The following GPR82 variants were observed in gnomAD, a reference collection of about 807,000 sequenced individuals.
GPR82 encodes probable G protein-coupled receptor 82.
Under a neutral mutation model 12.9 loss-of-function variants are expected in GPR82, and 6 were observed. The observed-to-expected ratio is 0.46, with a 90% CI of 0.25 to 0.92. GPR82 has a LOEUF of 0.92. Among genes scored for constraint, GPR82 ranks in the 40% least tolerant of loss-of-function variants. The pLI is 0.16. For synonymous variants in GPR82, 90 were observed against 87.6 expected, an observed-to-expected ratio of 1.03 and a Z score of -0.15; for missense variants, 241 against 245.5, an observed-to-expected ratio of 0.98 and a Z score of 0.12.
At position 41,730,037 on chromosome X, in the gene GPR82, A is replaced by G. The variant is rs1425974695; in HGVS notation, c.*2000A>G. 2 of 119,858 alleles carry G rather than the reference A, an allele frequency of 1.7e-5. No homozygotes were observed. The highest frequency in any genetic ancestry group is 6.7e-5 in the African/African-American group (2 of 29,902). The allele number at this position is 119,858 out of a possible 1,213,427, so 9.9% of individuals were successfully genotyped here. ...GAGATCATAAGCACTTTGGAGCTATAAACTTCTTGTCTATTTCTACTTCCA... is the reference window on the plus strand; with the variant it reads ...GAGATCATAAGCACTTTGGAGCTATGAACTTCTTGTCTATTTCTACTTCCA... On this transcript the variant is annotated 3_prime_UTR_variant, in exon 3 of 3. Transcript: ENST00000302548.
rs867249652 is a variant in GPR82, at chrX:41,729,434, G to A, written c.*1397G>A. ...CTAATTTACTGATGAAAATATTGAA[G>A]TGGGCTGGGTGCGGTGGCTCATGCC... On this transcript the variant is annotated 3_prime_UTR_variant, in exon 3 of 3. Coordinates refer to ENST00000302548, the MANE Select transcript of GPR82 (RefSeq NM_080817.5). 2 of 121,557 alleles carry A rather than the reference G, an allele frequency of 1.6e-5. No homozygotes were observed. Among genetic ancestry groups the A allele is most frequent in the Non-Finnish European group, 3.8e-5 (2 of 52,881 alleles). 10.0% of individuals were successfully genotyped at this position (121,557 alleles called of 1,213,427 possible).
intron 1 of GPR82, among the ~76,000 whole-genome samples, chrX:41,726,433 A>T (rs1343901840): frequency 1.8e-5 from 2 of 111,959 alleles, no homozygotes; most frequent in Admixed American, 1.9e-4. Context: ...TGTAGAACTG[A>T]GTTAACTTCT....
Position 41,727,049 on chromosome X carries a change from T to C in GPR82, c.23T>C (p.Ile8Thr). MNNNTTC[I>T]QPSMISSMAL... ...TAAATGAACAACAATACAACATGTA[T>C]TCAACCATCTATGATCTCTTCCATG... The change falls in exon 3 of 3, where the codon ATT becomes ACT. Residue 8 changes from isoleucine (I) to threonine (T), a missense_variant. Transcript: ENST00000302548. The C allele has an allele frequency of 8.6e-7, 1 of 1,160,150 alleles. No individual in the cohort carries two copies. Among genetic ancestry groups the C allele is most frequent in the Non-Finnish European group, 1.2e-6 (1 of 858,931 alleles).
intron 1 of GPR82, among the ~76,000 whole-genome samples, chrX:41,726,276 T>TA (rs1259890765): frequency 8.9e-6 from 1 of 112,519 alleles, no homozygotes; most frequent in African/African-American, 3.2e-5. Flanking sequence ...CATACATGTG[T>TA]AAACTTTTAT....
In GPR82 at chrX:41,728,480, C is replaced by A. The variant is rs1049799332; in HGVS notation, c.*443C>A. Reference sequence around the variant, plus strand: ...ATAAGTAGCTGGGCACAGTGGCTTACGCCTGTAATCCCAGCACTTTGGGAG... The same window carrying A: ...ATAAGTAGCTGGGCACAGTGGCTTAAGCCTGTAATCCCAGCACTTTGGGAG... On this transcript the variant is annotated 3_prime_UTR_variant, in exon 3 of 3. Coordinates refer to ENST00000302548, the MANE Select transcript of GPR82 (RefSeq NM_080817.5). 1 of 124,228 alleles carries A rather than the reference C, an allele frequency of 8.0e-6. No homozygotes were observed. Among genetic ancestry groups the A allele is most frequent in the East Asian group, 2.7e-4 (1 of 3,642 alleles). 10.2% of individuals were successfully genotyped at this position (124,228 alleles called of 1,213,427 possible). A position where few individuals can be genotyped will look rare whatever the true frequency, so the allele number is the denominator to read the frequency against.
rs1280123779 is a variant in GPR82 at position 41,728,917 on chromosome X, A to G, written c.*880A>G. 1 of 123,323 alleles carries G rather than the reference A, an allele frequency of 8.1e-6. No individual in the cohort carries two copies. Among genetic ancestry groups the G allele is most frequent in the African/African-American group, 3.2e-5 (1 of 30,806 alleles). The allele number at this position is 123,323 out of a possible 1,213,427, so 10.2% of individuals were successfully genotyped here. A position where few individuals can be genotyped will look rare whatever the true frequency, so the allele number is the denominator to read the frequency against. On this transcript the variant is annotated 3_prime_UTR_variant, in exon 3 of 3. Coordinates refer to ENST00000302548, the MANE Select transcript of GPR82 (RefSeq NM_080817.5). Reference sequence around the variant, plus strand: ...TGGGGAGAAGCAATATTCATTGACTATATTTTTAAAGCAGATGATACTTAT... The same window carrying G: ...TGGGGAGAAGCAATATTCATTGACTGTATTTTTAAAGCAGATGATACTTAT...
chrX:41,729,449 T>C lies in GPR82; in HGVS notation c.*1412T>C, dbSNP rs561449918. On this transcript the variant is annotated 3_prime_UTR_variant, in exon 3 of 3. Transcript: ENST00000302548. Reference sequence around the variant, plus strand: ...AAATATTGAAGTGGGCTGGGTGCGGTGGCTCATGCCTGTAATCCCAGCACT... The same window carrying C: ...AAATATTGAAGTGGGCTGGGTGCGGCGGCTCATGCCTGTAATCCCAGCACT... 760 of 121,565 alleles carry C rather than the reference T, an allele frequency of 6.3e-3. 8 individuals carry two copies. The highest frequency in any genetic ancestry group is 1.0e-2 in the Non-Finnish European group (528 of 52,915). The allele number at this position is 121,565 out of a possible 1,213,427, so 10.0% of individuals were successfully genotyped here. A position where few individuals can be genotyped will look rare whatever the true frequency, so the allele number is the denominator to read the frequency against.
In GPR82 at chrX:41,725,305, C is replaced by T. The variant is rs575275453; in HGVS notation, c.-106+1016C>T. 3.6e-5 allele frequency among the ~76,000 whole-genome samples: 4 copies of T among 111,194 alleles called. No individual in the cohort carries two copies. The South Asian group carries it at 1.5e-3, about 42-fold the overall frequency. ...ATAATATCATATTTGAAAAAAAACC[C>T]CAATTTCTGTAATCCAAGATGCAGA... On this transcript the variant is annotated intron_variant, in intron 1 of 2. Transcript: ENST00000302548.
rs140976691 is a variant in GPR82, at chrX:41,727,886, T to C, written c.860T>C (p.Leu287Ser). The C allele has an allele frequency of 1.7e-5, 20 of 1,204,060 alleles. No individual in the cohort carries two copies. In the African/African-American group the frequency reaches 3.1e-4, roughly 19 times the overall value. ...GATAACTGTCAGCAATTGAATTATTTAATAGAAACAAAAAACATTCTCACC... is the reference window on the plus strand; with the variant it reads ...GATAACTGTCAGCAATTGAATTATTCAATAGAAACAAAAAACATTCTCACC... ...QRDNCQQLNY[L>S]IETKNILTCL... Residue 287 changes from leucine (L) to serine (S), a missense_variant, in exon 3 of 3, where the codon TTA becomes TCA. Leu to Ser is a moderately radical substitution (Grantham distance 145). Transcript: ENST00000302548.
At position 41,727,314 on chromosome X, in the gene GPR82, T is replaced by G. The variant is rs144197742; in HGVS notation, c.288T>G (p.Thr96=). 4.1e-6 allele frequency: 5 copies of G among 1,206,520 alleles called. No homozygotes were observed. In the African/African-American group the frequency reaches 8.7e-5, roughly 21 times the overall value. ...AQCRVVNFLG[T]LSMHASMFVS... is the part of the protein sequence containing the mutation. ...GCAGAGTGGTCAATTTTCTGGGAACTCTATCCATGCATGCAAGTATGTTTG... is the reference window on the plus strand; with the variant it reads ...GCAGAGTGGTCAATTTTCTGGGAACGCTATCCATGCATGCAAGTATGTTTG... Residue 96 remains threonine (T), a synonymous_variant, in exon 3 of 3, where the codon ACT becomes ACG. Transcript: ENST00000302548.
At chrX:41,724,335 T>C (rs1012767210) in intron 1 of GPR82, 46 bp downstream of exon 1, 11 of 112,829 alleles carry the variant, frequency 9.7e-5, no homozygotes, top group Non-Finnish European at 1.5e-4. Flanking sequence ...TTAAACTCTA[T>C]AAAAATAAAC....
rs1471481922 is a variant in GPR82 at position 41,728,535 on chromosome X, G to A, written c.*498G>A. 1 of 122,223 alleles carries A rather than the reference G, an allele frequency of 8.2e-6. No individual in the cohort carries two copies. Among genetic ancestry groups the A allele is most frequent in the Non-Finnish European group, 1.9e-5 (1 of 53,373 alleles). The allele number at this position is 122,223 out of a possible 1,213,427, so 10.1% of individuals were successfully genotyped here. ...AGGTGGGTGGATCATTTTGAGGTCA[G>A]GAGTTCAAGACCAGCCTGGGCAACA... On this transcript the variant is annotated 3_prime_UTR_variant, in exon 3 of 3. Transcript: ENST00000302548.
chrX:41,724,864 T>C (rs1046159313), intron 1 of GPR82, among the ~76,000 whole-genome samples: 5 of 112,190 alleles, frequency 4.5e-5, no homozygotes, highest in Admixed American at 1.9e-4. Flanking sequence ...ATGCATTATC[T>C]GCACAAGGTA....
chrX:41,725,874 C>T (rs1032554380), intron 1 of GPR82, among the ~76,000 whole-genome samples: 2 of 111,731 alleles, frequency 1.8e-5, no homozygotes, highest in African/African-American at 6.5e-5. Flanking sequence ...GTTTTTGAGA[C>T]AGGGTCTCTT....
Position 41,727,643 on chromosome X carries a change from G to C in GPR82, c.617G>C (p.Gly206Ala). ...ATCTCTCAGATTGCAGGTCTCATTGGAACCACATTTATTGGATTTTCCTTT... is the reference window on the plus strand; with the variant it reads ...ATCTCTCAGATTGCAGGTCTCATTGCAACCACATTTATTGGATTTTCCTTT... Reference protein sequence around the residue: ...AMISQIAGLIGTTFIGFSFLV... With the variant: ...AMISQIAGLIATTFIGFSFLV... The change falls in exon 3 of 3, where the codon GGA (glycine) becomes GCA (alanine). Residue 206 changes from glycine (G) to alanine (A), a missense_variant. By Grantham distance (60) the Gly-to-Ala change is moderately conservative. Coordinates refer to ENST00000302548, the MANE Select transcript of GPR82 (RefSeq NM_080817.5). 1 of 1,209,565 alleles carries C rather than the reference G, an allele frequency of 8.3e-7. No homozygotes were observed. The highest frequency in any genetic ancestry group is 1.1e-6 in the Non-Finnish European group (1 of 893,716).
chrX:41,724,764 C>G (rs919767362), intron 1 of GPR82, among the ~76,000 whole-genome samples: 1 of 111,720 alleles, frequency 9.0e-6, no homozygotes, highest in African/African-American at 3.3e-5. Flanking sequence ...TCTGATAAAG[C>G]TAGCCTCTGC....
chrX:41,728,581 T>G lies in GPR82; in HGVS notation c.*544T>G, dbSNP rs2068310284. 1 of 120,218 alleles carries G rather than the reference T, an allele frequency of 8.3e-6. No individual in the cohort carries two copies. Among genetic ancestry groups the G allele is most frequent in the Admixed American group, 9.5e-5 (1 of 10,512 alleles). The allele number at this position is 120,218 out of a possible 1,213,427, so 9.9% of individuals were successfully genotyped here. A position where few individuals can be genotyped will look rare whatever the true frequency, so the allele number is the denominator to read the frequency against. The stretch of plus-strand genomic sequence containing the variant: ...CAACATGGTGAAACCCTGTCTCTAC[T>G]AAAAATACAAAAATCAGCTGGACAT... On this transcript the variant is annotated 3_prime_UTR_variant, in exon 3 of 3. Transcript: ENST00000302548.
rs570233066 is a variant in GPR82, at chrX:41,724,503, T to C, written c.-106+214T>C. Among the ~76,000 whole-genome samples the C allele has an allele frequency of 3.3e-4, 37 of 112,483 alleles. No homozygotes were observed. In the Middle Eastern group the frequency reaches 0.023, roughly 70 times the overall value. On this transcript the variant is annotated intron_variant, in intron 1 of 2. Transcript: ENST00000302548. The stretch of plus-strand genomic sequence containing the variant: ...AAATGTATGCATGAGTGACTTGAGA[T>C]AGACATTCTCCTGAGGGGAATATAG...
Position 41,727,389 on chromosome X carries a change from A to G in GPR82, c.363A>G (p.Leu121=). The G allele has an allele frequency of 3.3e-6, 4 of 1,210,128 alleles. No homozygotes were observed. Among genetic ancestry groups the G allele is most frequent in the Non-Finnish European group, 4.5e-6 (4 of 893,727 alleles). The part of the protein sequence containing the change: ...SWIAISRYAT[L]MQKDSSQETT... The stretch of plus-strand genomic sequence containing the variant: ...TTGCCATAAGCCGCTATGCTACCTT[A>G]ATGCAAAAGGATTCCTCGCAAGAGA... Residue 121 remains leucine (L), a synonymous_variant, in exon 3 of 3, where the codon TTA becomes TTG. Coordinates refer to ENST00000302548, the MANE Select transcript of GPR82 (RefSeq NM_080817.5).
Sources: allele counts gnomAD v4.1 joint callset (sites outside exome capture counted in the v4.1 genomes callset), GRCh38; gene constraint gnomAD v4.1.1; transcripts MANE v1.5; gene names NCBI Gene and HGNC (gene_info 2026-07-23, HGNC 2026-07-21).